Variants in PCDHA8 observed in about 807,000 individuals in gnomAD.
The protein encoded by PCDHA8 is protocadherin alpha-8.
Under a neutral mutation model 61.8 loss-of-function variants are expected in PCDHA8, and 53 were observed. The ratio of observed to expected loss-of-function variants is 0.86; its 90% CI spans 0.69 to 1.08. The LOEUF is 1.08. PCDHA8 is among the 50% of genes least tolerant of loss of function. PCDHA8 has a pLI of 0.00. For missense variants in PCDHA8, 1,293 were observed against 1,245.0 expected (o/e 1.04, Z -0.58); for synonymous variants, 618 against 556.6 (o/e 1.11, Z -1.55).
At chr5:141,003,616 G>A (rs1360535833) in intron 3 of PCDHA8, among the ~76,000 whole-genome samples, 1 of 152,132 alleles carries the variant, frequency 6.6e-6, no homozygotes, top group African/African-American at 2.4e-5. Flanking sequence ...CCCGGCCCCA[G>A]AGGGCAGTTT....
In PCDHA8 at chr5:140,968,789, G is replaced by A. The variant is rs782339889; in HGVS notation, c.2395-10160G>A. 16 of 1,614,060 alleles carry A rather than the reference G, an allele frequency of 9.9e-6. No individual in the cohort carries two copies. In the African/African-American group the frequency reaches 1.7e-4, roughly 18 times the overall value. On this transcript the variant is annotated intron_variant, in intron 1 of 3. Transcript: ENST00000531613. The stretch of plus-strand genomic sequence containing the variant: ...AGAGCCATCACTATCAGCCTCTGTG[G>A]CCATTACAGTAGCTGTGGTGGATAG...
chr5:140,883,946 G>T (rs139225969), intron 1 of PCDHA8: 2 of 1,613,274 alleles, frequency 1.2e-6, no homozygotes, highest in Non-Finnish European at 1.7e-6. Flanking sequence ...GGACGAGAAC[G>T]ACAACGCTCC....
At chr5:140,905,033 T>C (rs1325621385) in intron 1 of PCDHA8, among the ~76,000 whole-genome samples, 3 of 152,234 alleles carry the variant, frequency 2.0e-5, no homozygotes, top group African/African-American at 7.2e-5. Context: ...AGAAGCTTTT[T>C]AGTTTAATTA....
Position 140,871,493 on chromosome 5 carries a change from A to G in PCDHA8, c.2394+27778A>G, listed in dbSNP as rs968230550. 7 of 1,589,034 alleles carry G rather than the reference A, an allele frequency of 4.4e-6. No homozygotes were observed. Among genetic ancestry groups the G allele is most frequent in the Non-Finnish European group, 6.0e-6 (7 of 1,166,200 alleles). Reference sequence around the variant, plus strand: ...GAGCCAGGGTCAAATCACCCCGGACAGGTGAGTTTTCTACAGATTCCACCT... The same window carrying G: ...GAGCCAGGGTCAAATCACCCCGGACGGGTGAGTTTTCTACAGATTCCACCT... On this transcript the variant is annotated intron_variant, in intron 1 of 3. Coordinates refer to ENST00000531613, the MANE Select transcript of PCDHA8 (RefSeq NM_018911.3).
chr5:140,902,650 G>C (rs868917041), intron 1 of PCDHA8, among the ~76,000 whole-genome samples: 5 of 152,138 alleles, frequency 3.3e-5, no homozygotes, highest in Admixed American at 1.3e-4. Context: ...AGATTTTGGT[G>C]CACCTGTCAC....
chr5:140,862,039 C>A (rs1554155581), intron 1 of PCDHA8: 1 of 155,382 alleles, frequency 6.4e-6, no homozygotes, highest in African/African-American at 2.4e-5. Context: ...GGGTTCAAAC[C>A]GTCACATTGT....
At chr5:140,962,077 G>T (rs2095655013) in intron 1 of PCDHA8, among the ~76,000 whole-genome samples, 1 of 151,866 alleles carries the variant, frequency 6.6e-6, no homozygotes, top group South Asian at 2.1e-4. Flanking sequence ...AGTAGAGACG[G>T]GGTTTCACCA....
At position 140,915,626 on chromosome 5, in the gene PCDHA8, G is replaced by GTCTCTCTCTCTC. The variant is rs57920489; in HGVS notation, c.2395-63304_2395-63293dup. 2.6e-4 allele frequency among the ~76,000 whole-genome samples: 38 copies of GTCTCTCTCTCTC among 146,532 alleles called. No individual in the cohort carries two copies. In the Middle Eastern group the frequency reaches 0.011, roughly 41 times the overall value. Reference sequence around the variant, plus strand: ...ACTTTCTGTCAAACAGTCTCTTTCTGTCTCTCTCTCTCTCTCTCTCTCTCT... The same window carrying GTCTCTCTCTCTC: ...ACTTTCTGTCAAACAGTCTCTTTCTGTCTCTCTCTCTCTCTCTCTCTCTCTCTCTCTCTCTCT... On this transcript the variant is annotated intron_variant, in intron 1 of 3. Coordinates refer to ENST00000531613, the MANE Select transcript of PCDHA8 (RefSeq NM_018911.3).
intron 1 of PCDHA8, among the ~76,000 whole-genome samples, chr5:140,878,493 C>A (rs1339637878): frequency 6.6e-6 from 1 of 152,008 alleles, no homozygotes; most frequent in Non-Finnish European, 1.5e-5. Context: ...AATATTTAAC[C>A]ATCTGTACGA....
chr5:140,922,268 A>T (rs2153564244), intron 1 of PCDHA8, among the ~76,000 whole-genome samples: 1 of 152,382 alleles, frequency 6.6e-6, no homozygotes, highest in Non-Finnish European at 1.5e-5. Context: ...TGCCATGAAG[A>T]TTGGACCAAG....
intron 1 of PCDHA8, among the ~76,000 whole-genome samples, chr5:140,971,541 G>A (rs544682624): frequency 6.6e-6 from 1 of 152,172 alleles, no homozygotes; most frequent in Non-Finnish European, 1.5e-5. Context: ...ATCATTGCCA[G>A]ATCAACCTGT....
intron 3 of PCDHA8, among the ~76,000 whole-genome samples, chr5:141,003,916 A>C (rs1176586597): frequency 3.9e-5 from 6 of 152,150 alleles, no homozygotes; most frequent in African/African-American, 1.4e-4. Context: ...TCTTGACTGC[A>C]TCCTCAGTCT....
intron 3 of PCDHA8, among the ~76,000 whole-genome samples, chr5:140,984,755 A>G (rs1554246508): frequency 6.6e-6 from 1 of 152,172 alleles, no homozygotes; most frequent in Admixed American, 6.5e-5. Flanking sequence ...TTTGAGTTGA[A>G]TTCTAATCCC....
chr5:140,938,468 A>G (rs1427570517), intron 1 of PCDHA8, among the ~76,000 whole-genome samples: 1 of 152,096 alleles, frequency 6.6e-6, no homozygotes, highest in African/African-American at 2.4e-5. Context: ...TTAATTTATT[A>G]TGTTTTTTAA....
intron 1 of PCDHA8, chr5:140,859,600 C>T (rs1562546033): frequency 6.1e-6 from 1 of 162,864 alleles, no homozygotes; most frequent in African/African-American, 2.4e-5. Context: ...TTAGCAATTA[C>T]TTTTTTCTTT....
rs1777296865 is a variant in PCDHA8 at position 140,841,519 on chromosome 5, G to C, written c.198G>C (p.Val66=). 1 of 1,613,472 alleles carries C rather than the reference G, an allele frequency of 6.2e-7. No homozygotes were observed. The highest frequency in any genetic ancestry group is 1.3e-5 in the African/African-American group (1 of 74,870). The change falls in exon 1 of 4, where the codon GTG becomes GTC. Residue 66 remains valine (V), a synonymous_variant. Coordinates refer to ENST00000531613, the MANE Select transcript of PCDHA8 (RefSeq NM_018911.3). ...LAELVPRLFR[V]ASKRHRDLLE... is the part of the protein sequence containing the mutation. ...AGCTGGTGCCGCGCCTGTTCCGGGT[G>C]GCGTCCAAAAGACACCGGGACCTTC...
chr5:140,930,702 A>T (rs1359159980), intron 1 of PCDHA8, among the ~76,000 whole-genome samples: 1 of 152,234 alleles, frequency 6.6e-6, no homozygotes, highest in African/African-American at 2.4e-5. Context: ...CTTGTAAGTT[A>T]TTCTTCCTCA....
At chr5:140,986,899 C>G (rs2097217128) in intron 3 of PCDHA8, among the ~76,000 whole-genome samples, 1 of 152,072 alleles carries the variant, frequency 6.6e-6, no homozygotes, top group African/African-American at 2.4e-5. Flanking sequence ...AGGCCCTATC[C>G]TAGACTAATG....
At chr5:140,871,126 C>T in intron 1 of PCDHA8, 1 of 1,613,370 alleles carries the variant, frequency 6.2e-7, no homozygotes. Context: ...CGGACAGGCG[C>T]CAAAGGCCTC....
Sources: gnomAD v4.1 joint callset for allele counts (sites outside exome capture counted in the v4.1 genomes callset) on GRCh38, gnomAD v4.1.1 for gene constraint, MANE v1.5 for transcripts, NCBI Gene and HGNC (gene_info 2026-07-23, HGNC 2026-07-21) for gene names.